The following TAF12 variants were observed in gnomAD, a reference collection of about 807,000 sequenced individuals.
TAF12 encodes transcription initiation factor TFIID subunit 12.
TAF12 carries 3 observed loss-of-function variants against 20.8 expected under a neutral mutation model. That is an observed-to-expected ratio of 0.14 (90% CI 0.07 to 0.37). The LOEUF (loss-of-function observed/expected upper bound fraction) is 0.37, where lower values mean the gene tolerates loss of function less well. Ranked by LOEUF, TAF12 falls within the 10% of genes least tolerant of loss-of-function variation. The pLI is 1.00. For missense variants in TAF12, 131 were observed against 197.9 expected (o/e 0.66, Z 2.03); for synonymous variants, 69 against 70.2 (o/e 0.98, Z 0.09).
intron 3 of TAF12, among the ~76,000 whole-genome samples, chr1:28,617,641 C>T (rs978743155): frequency 2.6e-5 from 4 of 151,776 alleles, no homozygotes; most frequent in African/African-American, 4.8e-5. Context: ...TTAGTAGAGA[C>T]GGGGTTTCAC....
At chr1:28,647,525 A>G (rs1245050802), upstream of TAF12, among the ~76,000 whole-genome samples, 1 of 152,026 alleles carries the variant, frequency 6.6e-6, no homozygotes, top group Non-Finnish European at 1.5e-5. Flanking sequence ...TGGGCTCTCA[A>G]AGTGTTGGGA....
At chr1:28,621,554 G>T (rs775193090) in intron 2 of TAF12, among the ~76,000 whole-genome samples, 25 of 152,174 alleles carry the variant, frequency 1.6e-4, no homozygotes, top group Admixed American at 2.6e-4. Context: ...CATAGGCAAG[G>T]TATTGTGTTA....
At chr1:28,637,639 T>C (rs1383198914) in intron 1 of TAF12, among the ~76,000 whole-genome samples, 1 of 151,614 alleles carries the variant, frequency 6.6e-6, no homozygotes, top group African/African-American at 2.4e-5. Flanking sequence ...CACTCCAGCC[T>C]GGGCGACAGA....
chr1:28,621,806 C>T (rs1001557534), intron 2 of TAF12, 108 bp downstream of exon 2: 75 of 1,476,122 alleles, frequency 5.1e-5, no homozygotes, highest in Admixed American at 1.3e-4. Context: ...AAGACCTTTT[C>T]GGCTAAGAGA....
intron 2 of TAF12, among the ~76,000 whole-genome samples, chr1:28,620,887 T>C (rs952956765): frequency 6.6e-6 from 1 of 152,206 alleles, no homozygotes; most frequent in African/African-American, 2.4e-5. Flanking sequence ...CATTATCACC[T>C]AATTCGAGCC....
intron 4 of TAF12, among the ~76,000 whole-genome samples, chr1:28,607,801 C>T (rs961667713): frequency 1.2e-4 from 18 of 151,986 alleles, no homozygotes; most frequent in Non-Finnish European, 2.5e-4. Flanking sequence ...AATCACACCA[C>T]TGCACTGCAG....
At position 28,612,727 on chromosome 1, in the gene TAF12, G is replaced by C. The variant is rs1484465348; in HGVS notation, c.361+520C>G. 3.3e-5 allele frequency among the ~76,000 whole-genome samples: 5 copies of C among 151,778 alleles called. No homozygotes were observed. The East Asian group carries it at 9.7e-4, about 29-fold the overall frequency. On this transcript the variant is annotated intron_variant, in intron 4 of 5. Coordinates refer to ENST00000373824, the MANE Select transcript of TAF12 (RefSeq NM_005644.4). The stretch of plus-strand genomic sequence containing the variant: ...AAACTCAAACTCAAATTTAGTGTCT[G>C]TTAAGTAGAAAAGGAGACTATAAAA...
At chr1:28,631,343 G>C (rs1667612866) in intron 1 of TAF12, among the ~76,000 whole-genome samples, 1 of 151,980 alleles carries the variant, frequency 6.6e-6, no homozygotes, top group Non-Finnish European at 1.5e-5. Context: ...CCAACATATA[G>C]TGAAGCCCCG....
At chr1:28,630,460 G>C (rs1667578311) in intron 1 of TAF12, among the ~76,000 whole-genome samples, 5 of 152,114 alleles carry the variant, frequency 3.3e-5, no homozygotes, top group Non-Finnish European at 4.4e-5. Context: ...GCTGAGGCAG[G>C]AGAATCGCTT....
At chr1:28,620,270 A>C (rs1424222449) in intron 2 of TAF12, among the ~76,000 whole-genome samples, 1 of 150,558 alleles carries the variant, frequency 6.6e-6, no homozygotes, top group Non-Finnish European at 1.5e-5. Flanking sequence ...AGTAGCTGGG[A>C]CTACAGGTGT....
At chr1:28,613,540 G>A (rs1031787353) in intron 3 of TAF12, among the ~76,000 whole-genome samples, 179 bp from the exon 4 acceptor site, 1 of 152,128 alleles carries the variant, frequency 6.6e-6, no homozygotes, top group African/African-American at 2.4e-5. Context: ...ATGTTACCCA[G>A]GTTGAGTGCA....
At chr1:28,615,678 C>CAAAAAAAAAAAAAAAAAAA (rs57536422) in intron 3 of TAF12, among the ~76,000 whole-genome samples, 1 of 34,494 alleles carries the variant, frequency 2.9e-5, no homozygotes, top group African/African-American at 1.3e-4. Context: ...GACTCCGTCT[C>CAAAAAAAAAAAAAAAAAAA]AAAAAAAAAA....
intron 4 of TAF12, among the ~76,000 whole-genome samples, chr1:28,610,491 T>G (rs1178646810): frequency 6.6e-6 from 1 of 151,904 alleles, no homozygotes; most frequent in Non-Finnish European, 1.5e-5. Context: ...TTTTAAATCT[T>G]TTGTAACACA....
At position 28,631,076 on chromosome 1, in the gene TAF12, T is replaced by C. The variant is rs550567341; in HGVS notation, c.-84-8911A>G. Among the ~76,000 whole-genome samples, 13 of 147,160 alleles carry C rather than the reference T, an allele frequency of 8.8e-5. No homozygotes were observed. In the South Asian group the frequency reaches 2.8e-3, roughly 31 times the overall value. ...AAAAAAAAAAAAAAAAGATATGTCA[T>C]AGATTAGGAGAAAATATGTATAAAT... On this transcript the variant is annotated intron_variant, in intron 1 of 5. Coordinates refer to ENST00000373824, the MANE Select transcript of TAF12 (RefSeq NM_005644.4).
chr1:28,639,197 A>G (rs1667952613), intron 1 of TAF12, among the ~76,000 whole-genome samples: 1 of 151,604 alleles, frequency 6.6e-6, no homozygotes, highest in African/African-American at 2.4e-5. Context: ...CAGGCAGATC[A>G]TCTGAGGTCA....
chr1:28,611,401 G>T (rs186423919), intron 4 of TAF12, among the ~76,000 whole-genome samples: 2 of 152,226 alleles, frequency 1.3e-5, no homozygotes, highest in East Asian at 1.9e-4. Flanking sequence ...ATATGTTGCG[G>T]TCTTAACCTT....
At chr1:28,648,239 C>A (rs936099104) in exon 1 of TAF12, 2 of 985,342 alleles carry the variant, frequency 2.0e-6, no homozygotes, top group Non-Finnish European at 2.4e-6. Context: ...CGCCATGAGA[C>A]GCCTTCTGTC....
intron 1 of TAF12, among the ~76,000 whole-genome samples, chr1:28,638,163 G>A (rs1431865335): frequency 6.6e-6 from 1 of 150,830 alleles, no homozygotes; most frequent in Admixed American, 6.6e-5. Flanking sequence ...ACCACATCCA[G>A]CTAATTTTTG....
Position 28,643,029 on chromosome 1 carries a change from T to G in TAF12, c.-122A>C. On this transcript the variant is annotated 5_prime_UTR_variant, in exon 1 of 6. Coordinates refer to ENST00000373824, the MANE Select transcript of TAF12 (RefSeq NM_005644.4). The stretch of plus-strand genomic sequence containing the variant: ...CTATCTCCCCATGATATGCAGAGAC[T>G]GCCCCAGTGAAGCGTTCGTCTCAGC... 1.0e-6 allele frequency: 1 copy of G among 985,944 alleles called. No individual in the cohort carries two copies. The allele number at this position is 985,944 out of a possible 1,614,324, so 61.1% of individuals were successfully genotyped here. A position where few individuals can be genotyped will look rare whatever the true frequency, so the allele number is the denominator to read the frequency against.
Sources: allele counts gnomAD v4.1 joint callset (sites outside exome capture counted in the v4.1 genomes callset), GRCh38; gene constraint gnomAD v4.1.1; transcripts MANE v1.5; gene names NCBI Gene and HGNC (gene_info 2026-07-23, HGNC 2026-07-21).